PTPRK: variants seen among roughly 807,000 people sequenced by gnomAD.
PTPRK encodes the protein receptor-type tyrosine-protein phosphatase kappa.
In PTPRK, 75 loss-of-function variants were observed where a neutral mutation model predicts 178.0. The observed-to-expected ratio is 0.42, with a 90% CI of 0.35 to 0.51. The LOEUF is 0.51. PTPRK is among the 20% of genes least tolerant of loss of function. The pLI is 0.02. For synonymous variants in PTPRK, 637 were observed against 620.6 expected (o/e 1.03, Z -0.39); for missense variants, 1,441 against 1,797.8 (o/e 0.80, Z 3.59).
rs1815756846 is a variant in PTPRK at position 128,247,814 on chromosome 6, C to G, written c.496-5212G>C. Among the ~76,000 whole-genome samples, 3 of 152,250 alleles carry G rather than the reference C, an allele frequency of 2.0e-5. No homozygotes were observed. In the East Asian group the frequency reaches 5.8e-4, roughly 29 times the overall value. ...GAGCAGAAAATAGCCATAAAAGACA[C>G]ATGTACTAAAATTATATTTCTTCCA... On this transcript the variant is annotated intron_variant, in intron 3 of 29. Transcript: ENST00000368226.
At chr6:128,341,333 C>T (rs183383145) in intron 2 of PTPRK, among the ~76,000 whole-genome samples, 176 of 152,206 alleles carry the variant, frequency 1.2e-3, no homozygotes, top group Non-Finnish European at 1.1e-3. Context: ...CCTCATGTAA[C>T]TCAGATAATT....
At chr6:128,392,722 C>T (rs1038327765) in intron 2 of PTPRK, among the ~76,000 whole-genome samples, 4 of 146,962 alleles carry the variant, frequency 2.7e-5, no homozygotes, top group African/African-American at 1.0e-4. Flanking sequence ...GACAGAAGAT[C>T]GGAATTTGAC....
rs181556595 is a variant in PTPRK at position 128,278,179 on chromosome 6, C to T, written c.496-35577G>A. 5.3e-3 allele frequency among the ~76,000 whole-genome samples: 779 copies of T among 146,584 alleles called. 6 individuals are homozygous for T. Among genetic ancestry groups the T allele is most frequent in the African/African-American group, 0.018 (732 of 39,796 alleles). On this transcript the variant is annotated intron_variant, in intron 3 of 29. Coordinates refer to ENST00000368226, the MANE Select transcript of PTPRK (RefSeq NM_002844.4). ...TATTTATTTATTTATTTATTTGAGA[C>T]GGAGTCTCGCACTGTAGCCTGGGCT...
intron 7 of PTPRK, among the ~76,000 whole-genome samples, chr6:128,137,059 T>G (rs961335789): frequency 4.6e-5 from 7 of 152,202 alleles, no homozygotes; most frequent in African/African-American, 1.7e-4. Context: ...GGGTTCCACT[T>G]GTGAGAGCTA....
chr6:128,216,533 T>C (rs1324248375), intron 6 of PTPRK, among the ~76,000 whole-genome samples: 1 of 144,140 alleles, frequency 6.9e-6, no homozygotes, highest in Non-Finnish European at 1.5e-5. Flanking sequence ...AGATTCTGTC[T>C]CAGAAAAATA....
At chr6:128,444,781 A>G (rs1156785240) in intron 1 of PTPRK, among the ~76,000 whole-genome samples, 1 of 152,196 alleles carries the variant, frequency 6.6e-6, no homozygotes, top group Non-Finnish European at 1.5e-5. Context: ...GCTTGTTGCC[A>G]AAAGAGTATT....
intron 3 of PTPRK, among the ~76,000 whole-genome samples, chr6:128,249,850 G>A (rs911748808): frequency 3.9e-5 from 6 of 152,094 alleles, no homozygotes; most frequent in Non-Finnish European, 7.4e-5. Flanking sequence ...AAAAAAACTC[G>A]AAGGTGCAAA....
rs903461189 is a variant in PTPRK, at chr6:128,321,937, C to T, written c.495+102G>A. ...AATGGGGGTGGGGGAGGCAAGAGGG[C>T]AATCTCTCATTACCATGAGATGCAT... is the stretch of plus-strand genomic sequence containing the variant. On this transcript the variant is annotated intron_variant, in intron 3 of 29. Transcript: ENST00000368226. 3 of 1,487,540 alleles carry T rather than the reference C, an allele frequency of 2.0e-6. No homozygotes were observed. The South Asian group carries it at 3.4e-5, about 17-fold the overall frequency. The allele number at this position is 1,487,540 out of a possible 1,614,324, so 92.1% of individuals were successfully genotyped here.
intron 3 of PTPRK, among the ~76,000 whole-genome samples, chr6:128,296,622 C>T (rs1824452607): frequency 6.6e-6 from 1 of 152,078 alleles, no homozygotes; most frequent in Non-Finnish European, 1.5e-5. Flanking sequence ...TTCAGCCAAA[C>T]TAAGCTTCAT....
In PTPRK at chr6:128,001,341, T is replaced by C. The variant is rs1013118222; in HGVS notation, c.2495-2437A>G. The C allele has an allele frequency of 2.4e-5, 13 of 538,438 alleles. No homozygotes were observed. The Admixed American group carries it at 3.4e-4, about 14-fold the overall frequency. 33.4% of individuals were successfully genotyped at this position (538,438 alleles called of 1,614,324 possible). On this transcript the variant is annotated intron_variant, in intron 15 of 29. Coordinates refer to ENST00000368226, the MANE Select transcript of PTPRK (RefSeq NM_002844.4). ...GTGATTTCAGAAACTGCATTATAAA[T>C]ACAAAAATGATTGGATGCAAAACTC...
chr6:128,111,961 CT>C (rs1409418112), intron 7 of PTPRK, among the ~76,000 whole-genome samples: 1 of 151,988 alleles, frequency 6.6e-6, no homozygotes, highest in Non-Finnish European at 1.5e-5. Context: ...TGAATGAATG[CT>C]TAATTTTACC....
In PTPRK at chr6:128,016,665, CTT is replaced by C. The variant is rs11321458; in HGVS notation, c.2195-7399_2195-7398del. Among the ~76,000 whole-genome samples the C allele has an allele frequency of 4.6e-5, 7 of 151,260 alleles. No homozygotes were observed. In the South Asian group the frequency reaches 1.3e-3, roughly 27 times the overall value. On this transcript the variant is annotated intron_variant, in intron 13 of 29. Transcript: ENST00000368226. ...TTTTAATGAAGTCAAATATATCAAT[CTT>C]TTTTTTTATGGTTAGGGCCTATTGT... is the stretch of plus-strand genomic sequence containing the variant.
At chr6:128,129,412 T>A (rs1793872078) in intron 7 of PTPRK, among the ~76,000 whole-genome samples, 1 of 152,200 alleles carries the variant, frequency 6.6e-6, no homozygotes, top group Non-Finnish European at 1.5e-5. Context: ...GTGCTAGACT[T>A]TTTTTCATTA....
At chr6:128,016,579 C>T (rs1779617623) in intron 13 of PTPRK, among the ~76,000 whole-genome samples, 1 of 151,694 alleles carries the variant, frequency 6.6e-6, no homozygotes, top group Admixed American at 6.6e-5. Flanking sequence ...GGTAATGTGC[C>T]CTGAAAGCCA....
At chr6:128,140,266 G>A (rs1795585098) in intron 7 of PTPRK, among the ~76,000 whole-genome samples, 1 of 151,998 alleles carries the variant, frequency 6.6e-6, no homozygotes, top group African/African-American at 2.4e-5. Flanking sequence ...TAAGGAGAAT[G>A]TATTTAAAAT....
At chr6:128,218,490 G>A (rs1809759774) in intron 6 of PTPRK, among the ~76,000 whole-genome samples, 1 of 152,072 alleles carries the variant, frequency 6.6e-6, no homozygotes, top group Admixed American at 6.6e-5. Flanking sequence ...TTCACTATTG[G>A]GTTTTGATAC....
chr6:128,171,510 G>A (rs1259092451), intron 7 of PTPRK, among the ~76,000 whole-genome samples: 1 of 151,970 alleles, frequency 6.6e-6, no homozygotes. Context: ...AGTACCACCT[G>A]TCCAAGCTGA....
At chr6:128,513,782 A>T (rs1481248664) in intron 1 of PTPRK, among the ~76,000 whole-genome samples, 1 of 152,138 alleles carries the variant, frequency 6.6e-6, no homozygotes, top group Non-Finnish European at 1.5e-5. Flanking sequence ...AAATTTCCAG[A>T]TGATGCTAAT....
chr6:128,090,218 C>T lies in PTPRK; in HGVS notation c.1163-226G>A, dbSNP rs192068863. On this transcript the variant is annotated intron_variant, in intron 7 of 29. Transcript: ENST00000368226. ...AGAAATATAAAATGTCAACAACCCA[C>T]GGTACTCAGGAACTTGGCAGAAAAA... is the stretch of plus-strand genomic sequence containing the variant. 2.0e-3 allele frequency among the ~76,000 whole-genome samples: 307 copies of T among 152,210 alleles called. 2 individuals are homozygous for T. The highest frequency in any genetic ancestry group is 6.9e-3 in the African/African-American group (287 of 41,518).
Sources: gnomAD v4.1 joint callset for allele counts (sites outside exome capture counted in the v4.1 genomes callset) on GRCh38, gnomAD v4.1.1 for gene constraint, MANE v1.5 for transcripts, NCBI Gene and HGNC (gene_info 2026-07-23, HGNC 2026-07-21) for gene names.